The following CHRM3 variants were observed in gnomAD, a reference collection of about 807,000 sequenced individuals.
CHRM3 encodes muscarinic acetylcholine receptor M3.
In CHRM3, 11 loss-of-function variants were observed where a neutral mutation model predicts 41.8. That is an observed-to-expected ratio of 0.26 (90% CI 0.17 to 0.44). The LOEUF is 0.44. Ranked by LOEUF, CHRM3 falls within the 20% of genes least tolerant of loss-of-function variation. CHRM3 has a pLI of 1.00. For missense variants in CHRM3, 571 were observed against 745.4 expected (o/e 0.77, Z 2.72); for synonymous variants, 297 against 301.4 (o/e 0.99, Z 0.15).
At chr1:239,767,904 G>A (rs1378511540) in intron 5 of CHRM3, among the ~76,000 whole-genome samples, 1 of 152,048 alleles carries the variant, frequency 6.6e-6, no homozygotes, top group Non-Finnish European at 1.5e-5. Context: ...AGCCGGCCCT[G>A]GTTCACGTGG....
chr1:239,389,301 A>C (rs2102902999), intron 1 of CHRM3, among the ~76,000 whole-genome samples: 1 of 152,292 alleles, frequency 6.6e-6, no homozygotes, highest in African/African-American at 2.4e-5. Flanking sequence ...TATTTAGGAA[A>C]GTTTGCTTTA....
intron 5 of CHRM3, among the ~76,000 whole-genome samples, chr1:239,772,065 A>G (rs975342369): frequency 2.0e-5 from 3 of 152,224 alleles, no homozygotes; most frequent in Non-Finnish European, 4.4e-5. Context: ...GTCCAGAGGA[A>G]TATACAACAA....
At chr1:239,887,167 G>C (rs939582380) in intron 6 of CHRM3, among the ~76,000 whole-genome samples, 5 of 151,964 alleles carry the variant, frequency 3.3e-5, no homozygotes, top group African/African-American at 1.2e-4. Flanking sequence ...ATAATTTCAT[G>C]GTGTGTCATG....
intron 1 of CHRM3, among the ~76,000 whole-genome samples, chr1:239,434,443 T>C (rs1235020804): frequency 1.3e-5 from 2 of 152,232 alleles, no homozygotes; most frequent in African/African-American, 2.4e-5. Context: ...ATCTATATAA[T>C]AGCAGTGTTG....
intron 3 of CHRM3, among the ~76,000 whole-genome samples, chr1:239,580,193 C>G (rs902085738): frequency 6.6e-6 from 1 of 151,734 alleles, no homozygotes; most frequent in East Asian, 1.9e-4. Context: ...AGTACTTTCC[C>G]TCTTGCCCCC....
At chr1:239,712,761 A>G (rs776397427) in intron 5 of CHRM3, among the ~76,000 whole-genome samples, 10 of 152,166 alleles carry the variant, frequency 6.6e-5, no homozygotes, top group Admixed American at 2.6e-4. Flanking sequence ...AAAAGGTCCA[A>G]TGTTTCATCA....
At chr1:239,505,908 C>G (rs1291496149) in intron 2 of CHRM3, among the ~76,000 whole-genome samples, 1 of 152,112 alleles carries the variant, frequency 6.6e-6, no homozygotes, top group Non-Finnish European at 1.5e-5. Context: ...GCAACTAGAG[C>G]AAAGGTGACT....
chr1:239,604,026 AG>A (rs1665931508), intron 3 of CHRM3, among the ~76,000 whole-genome samples: 2 of 152,184 alleles, frequency 1.3e-5, no homozygotes, highest in Non-Finnish European at 2.9e-5. Context: ...GTAAAAATGA[AG>A]GGGATTCATA....
chr1:239,733,035 G>A (rs1664092258), intron 5 of CHRM3, among the ~76,000 whole-genome samples: 1 of 151,976 alleles, frequency 6.6e-6, no homozygotes, highest in Admixed American at 6.6e-5. Flanking sequence ...ACATTACTTA[G>A]ATTCTTAGAA....
chr1:239,449,422 C>A (rs533099167), intron 1 of CHRM3, among the ~76,000 whole-genome samples: 19 of 152,178 alleles, frequency 1.2e-4, no homozygotes, highest in African/African-American at 3.9e-4. Context: ...CAATCCAACA[C>A]ACATTAAACT....
chr1:239,775,758 C>T lies in CHRM3; in HGVS notation c.-146-51494C>T, dbSNP rs188770036. Among the ~76,000 whole-genome samples, 555 of 152,218 alleles carry T rather than the reference C, an allele frequency of 3.6e-3. 6 individuals carry two copies. The highest frequency in any genetic ancestry group is 0.012 in the African/African-American group (481 of 41,524). On this transcript the variant is annotated intron_variant, in intron 5 of 6. Coordinates refer to ENST00000676153, the MANE Select transcript of CHRM3 (RefSeq NM_001375978.1). ...AGTCATCATATGATCAGGGAGAAAT[C>T]GAGAGGCGAAACAGACTGTCATAGG...
chr1:239,589,643 T>C (rs910880167), intron 3 of CHRM3, among the ~76,000 whole-genome samples: 5 of 4,932 alleles, frequency 1.0e-3, no homozygotes, highest in Admixed American at 9.1e-3. Context: ...AAAAACTATA[T>C]ATATATATAT....
intron 3 of CHRM3, among the ~76,000 whole-genome samples, chr1:239,550,324 A>G (rs1029707853): frequency 5.3e-5 from 8 of 152,154 alleles, no homozygotes; most frequent in African/African-American, 1.9e-4. Flanking sequence ...GCATGCCTAT[A>G]TTATAAATCA....
intron 2 of CHRM3, among the ~76,000 whole-genome samples, chr1:239,525,493 G>T (rs545494983): frequency 1.4e-4 from 22 of 151,826 alleles, no homozygotes; most frequent in African/African-American, 5.3e-4. Flanking sequence ...ATCATACATA[G>T]TATGAACCCC....
At chr1:239,610,605 G>A (rs765481599) in intron 3 of CHRM3, among the ~76,000 whole-genome samples, 9 of 152,156 alleles carry the variant, frequency 5.9e-5, no homozygotes, top group Non-Finnish European at 1.2e-4. Context: ...TGTGTGTATT[G>A]TGATCCCTTT....
At chr1:239,659,684 T>C (rs1673019376) in intron 4 of CHRM3, among the ~76,000 whole-genome samples, 1 of 152,172 alleles carries the variant, frequency 6.6e-6, no homozygotes, top group African/African-American at 2.4e-5. Flanking sequence ...ACATTCCCCT[T>C]CAGATTTCTT....
At position 239,553,464 on chromosome 1, in the gene CHRM3, A is replaced by C. The variant is rs553567422; in HGVS notation, c.-313+7715A>C. On this transcript the variant is annotated intron_variant, in intron 3 of 6. Coordinates refer to ENST00000676153, the MANE Select transcript of CHRM3 (RefSeq NM_001375978.1). Reference sequence around the variant, plus strand: ...AAGCAGGAGACTTTCAGGAGAATGCATTACCCATTTTTAAGATTGAAAATT... The same window carrying C: ...AAGCAGGAGACTTTCAGGAGAATGCCTTACCCATTTTTAAGATTGAAAATT... Among the ~76,000 whole-genome samples the C allele has an allele frequency of 2.0e-5, 3 of 152,254 alleles. No individual in the cohort carries two copies. The South Asian group carries it at 6.2e-4, about 32-fold the overall frequency.
At chr1:239,440,277 T>C (rs918144455) in intron 1 of CHRM3, among the ~76,000 whole-genome samples, 3 of 150,144 alleles carry the variant, frequency 2.0e-5, no homozygotes, top group Non-Finnish European at 4.4e-5. Flanking sequence ...TAAGCCAAAC[T>C]GTAGAAGGTG....
chr1:239,426,311 A>G (rs2103132431), intron 1 of CHRM3, among the ~76,000 whole-genome samples: 1 of 151,212 alleles, frequency 6.6e-6, no homozygotes, highest in East Asian at 2.0e-4. Context: ...CTAGCTCCTA[A>G]CTCAATGATT....
Sources: gnomAD v4.1 joint callset for allele counts (sites outside exome capture counted in the v4.1 genomes callset) on GRCh38, gnomAD v4.1.1 for gene constraint, MANE v1.5 for transcripts, NCBI Gene and HGNC (gene_info 2026-07-23, HGNC 2026-07-21) for gene names.